The following BABAM1 variants were observed in gnomAD, a reference collection of about 807,000 sequenced individuals.
BABAM1 encodes the protein BRISC and BRCA1-A complex member 1.
BABAM1 carries 14 observed loss-of-function variants against 34.4 expected under a neutral mutation model. The ratio of observed to expected loss-of-function variants is 0.41; its 90% CI spans 0.27 to 0.64. The LOEUF (loss-of-function observed/expected upper bound fraction) is 0.64, where lower values mean the gene tolerates loss of function less well. Ranked by LOEUF, BABAM1 falls within the 30% of genes least tolerant of loss-of-function variation. The pLI is 0.34. For missense variants in BABAM1, 393 were observed against 434.0 expected, an observed-to-expected ratio of 0.91 and a Z score of 0.84; for synonymous variants, 169 against 165.8, an observed-to-expected ratio of 1.02 and a Z score of -0.15.
chr19:17,273,298 A>G (rs1303737941), intron 3 of BABAM1, among the ~76,000 whole-genome samples: 1 of 152,056 alleles, frequency 6.6e-6, no homozygotes, highest in Non-Finnish European at 1.5e-5. Context: ...CTCCTTGGAG[A>G]TGTTGAAGGT....
intron 3 of BABAM1, 137 bp downstream of exon 3, chr19:17,271,792 GC>G: frequency 2.1e-6 from 2 of 967,682 alleles, no homozygotes; most frequent in Non-Finnish European, 3.1e-6. Flanking sequence ...ATTAGCAAGA[GC>G]CAGGTGCAGT....
At chr19:17,276,059 G>C (rs1242724631) in intron 6 of BABAM1, among the ~76,000 whole-genome samples, 1 of 152,166 alleles carries the variant, frequency 6.6e-6, no homozygotes, top group Non-Finnish European at 1.5e-5. Context: ...TCAGGACACT[G>C]AGGGTGGCCG....
intron 2 of BABAM1, among the ~76,000 whole-genome samples, chr19:17,269,381 G>A (rs1023390008): frequency 3.2e-5 from 4 of 126,770 alleles, no homozygotes; most frequent in African/African-American, 9.5e-5. Flanking sequence ...ATGGAGTTTC[G>A]CTCTTGTTGC....
rs528538382 is a variant in BABAM1, at chr19:17,276,811, C to T, written c.700-12C>T. The T allele has an allele frequency of 1.0e-5, 16 of 1,598,938 alleles. No individual in the cohort carries two copies. Among genetic ancestry groups the T allele is most frequent in the Admixed American group, 5.2e-5 (3 of 57,382 alleles). On this transcript the variant is annotated splice_polypyrimidine_tract_variant and intron_variant, in intron 7 of 8. Coordinates refer to ENST00000598188, the MANE Select transcript of BABAM1 (RefSeq NM_014173.4). The stretch of plus-strand genomic sequence containing the variant: ...AAGCCCCAGAGGCTGGTGTTCTTTA[C>T]TTCCCCTGCAGAAAATGTTCCAGTG...
At chr19:17,268,725 G>A (rs116873439) in intron 1 of BABAM1, 69 bp from the exon 2 acceptor site, 88,088 of 1,449,198 alleles carry the variant, frequency 0.061, 3,308 homozygotes, top group Middle Eastern at 0.2. Context: ...CACCGTGCCC[G>A]ACCGTAACCA....
At chr19:17,275,875 C>T (rs773855078) in intron 6 of BABAM1, 50 bp downstream of exon 6, 2 of 1,590,570 alleles carry the variant, frequency 1.3e-6, no homozygotes, top group African/African-American at 2.7e-5. Context: ...AGAAGGGTCA[C>T]TTCTGGGAAA....
At chr19:17,268,669 T>C (rs765044433) in intron 1 of BABAM1, 125 bp from the exon 2 acceptor site, 243 of 1,057,378 alleles carry the variant, frequency 2.3e-4, no homozygotes, top group Non-Finnish European at 2.1e-4. Context: ...CCTCAGGTGA[T>C]CCACCTGCCT....
At chr19:17,274,977 C>T (rs1447726438) in intron 5 of BABAM1, among the ~76,000 whole-genome samples, 2 of 152,118 alleles carry the variant, frequency 1.3e-5, no homozygotes, top group Non-Finnish European at 2.9e-5. Flanking sequence ...GCGATCTTGG[C>T]TCATTGCAAC....
chr19:17,273,455 T>G (rs749868267), intron 3 of BABAM1, among the ~76,000 whole-genome samples: 8 of 152,064 alleles, frequency 5.3e-5, no homozygotes, highest in Non-Finnish European at 1.2e-4. Flanking sequence ...AGACTGGGTT[T>G]GTGGCTGAGC....
intron 5 of BABAM1, 126 bp downstream of exon 5, chr19:17,274,311 G>A: frequency 8.0e-7 from 1 of 1,248,542 alleles, no homozygotes; most frequent in Non-Finnish European, 1.1e-6. Flanking sequence ...GCCAAGGCTG[G>A]GAAAGTCACC....
At chr19:17,274,267 G>T in intron 5 of BABAM1, 82 bp downstream of exon 5, 1 of 1,529,708 alleles carries the variant, frequency 6.5e-7, no homozygotes, top group South Asian at 1.1e-5. Context: ...TCTAAGTCAT[G>T]ACTCTGGCTG....
intron 3 of BABAM1, 131 bp from the exon 4 acceptor site, chr19:17,273,773 C>T (rs2073874538): frequency 2.5e-6 from 3 of 1,220,888 alleles, no homozygotes; most frequent in African/African-American, 1.5e-5. Flanking sequence ...CCATCTTGAC[C>T]AGGCTGGTGT....
Position 17,268,972 on chromosome 19 carries a change from G to A in BABAM1, c.166G>A (p.Ala56Thr), listed in dbSNP as rs758868685. 7 of 1,576,354 alleles carry A rather than the reference G, an allele frequency of 4.4e-6. No homozygotes were observed. Among genetic ancestry groups the A allele is most frequent in the Middle Eastern group, 2.1e-4 (1 of 4,768 alleles). The change falls in exon 2 of 9, where the codon GCC becomes ACC. Residue 56 changes from alanine (A) to threonine (T), a missense_variant. Coordinates refer to ENST00000598188, the MANE Select transcript of BABAM1 (RefSeq NM_014173.4). ...CCGCAGCGAGGGTGAGGGTGAGGCC[G>A]CCAGTGCTGATGATGGGAGCCTCAA... ...GSRSEGEGEA[A>T]SADDGSLNTS...
chr19:17,273,166 G>A (rs181589970), intron 3 of BABAM1, among the ~76,000 whole-genome samples: 6 of 152,358 alleles, frequency 3.9e-5, no homozygotes, highest in East Asian at 1.9e-4. Context: ...ATGGGGCAGA[G>A]CCAGGATTCG....
intron 5 of BABAM1, among the ~76,000 whole-genome samples, chr19:17,275,473 A>G (rs1265827348): frequency 2.0e-5 from 3 of 152,040 alleles, no homozygotes; most frequent in East Asian, 1.9e-4. Context: ...TATTTTTAGT[A>G]GAGACAGGGT....
chr19:17,279,008 A>C lies in BABAM1; in HGVS notation c.950A>C (p.Glu317Ala). Residue 317 changes from glutamate (E) to alanine (A), a missense_variant, in exon 9 of 9, where the codon GAG becomes GCG. Transcript: ENST00000598188. ...AGCCATGCTTCCTACAGCCTGCTGG[A>C]GGAGGAGGATGAAGCCATTGAGGTT... ...CQSHASYSLLEEEDEAIEVEA... is the reference protein window; with the variant it reads ...CQSHASYSLLAEEDEAIEVEA... 9.3e-6 allele frequency: 15 copies of C among 1,612,406 alleles called. No homozygotes were observed. The highest frequency in any genetic ancestry group is 1.3e-5 in the Non-Finnish European group (15 of 1,179,406).
In BABAM1 at chr19:17,278,849, T is replaced by C. The variant is rs2073942620; in HGVS notation, c.791T>C (p.Met264Thr). 3 of 1,612,244 alleles carry C rather than the reference T, an allele frequency of 1.9e-6. No homozygotes were observed. The African/African-American group carries it at 4.0e-5, about 22-fold the overall frequency. The change falls in exon 9 of 9, where the codon ATG becomes ACG. Residue 264 changes from methionine (M) to threonine (T), a missense_variant. Met to Thr is a moderately conservative substitution (Grantham distance 81). Coordinates refer to ENST00000598188, the MANE Select transcript of BABAM1 (RefSeq NM_014173.4). ...EKEEEMSWKD[M>T]FAFMGSLDTK... Reference sequence around the variant, plus strand: ...TGACCCCCGCCTCCCCGGCAGGATATGTTTGCCTTCATGGGCAGCCTGGAT... The same window carrying C: ...TGACCCCCGCCTCCCCGGCAGGATACGTTTGCCTTCATGGGCAGCCTGGAT...
intron 3 of BABAM1, among the ~76,000 whole-genome samples, chr19:17,273,339 A>G (rs1173162010): frequency 6.6e-6 from 1 of 152,082 alleles, no homozygotes; most frequent in African/African-American, 2.4e-5. Context: ...GGCATTCACA[A>G]CTGCCCATGG....
rs2073879973 is a variant in BABAM1, at chr19:17,274,089, G to T, written c.466-18G>T. On this transcript the variant is annotated intron_variant, in intron 4 of 8. Coordinates refer to ENST00000598188, the MANE Select transcript of BABAM1 (RefSeq NM_014173.4). ...GGGGCCCGGGGAGCATCGCACTGAG[G>T]CCTCTGCTTCCCTGCAGCTGTCTGG... The T allele has an allele frequency of 6.2e-7, 1 of 1,613,640 alleles. No homozygotes were observed. Among genetic ancestry groups the T allele is most frequent in the Admixed American group, 1.7e-5 (1 of 59,994 alleles).
Sources: gnomAD v4.1 joint callset for allele counts (sites outside exome capture counted in the v4.1 genomes callset) on GRCh38, gnomAD v4.1.1 for gene constraint, MANE v1.5 for transcripts, NCBI Gene and HGNC (gene_info 2026-07-23, HGNC 2026-07-21) for gene names.